ST7L: variants seen among roughly 807,000 people sequenced by gnomAD.
The protein encoded by ST7L is suppression of tumorigenicity 7 like, also known as suppressor of tumorigenicity 7 protein-like.
ST7L carries 57 observed loss-of-function variants against 72.5 expected under a neutral mutation model. The observed-to-expected ratio is 0.79, with a 90% CI of 0.64 to 0.98. The LOEUF is 0.98. ST7L is among the 50% of genes least tolerant of loss of function. The pLI, the probability that ST7L is intolerant of heterozygous loss-of-function variation, is 0.00. For missense variants in ST7L, 576 were observed against 672.2 expected, an observed-to-expected ratio of 0.86 and a Z score of 1.58; for synonymous variants, 221 against 240.9, an observed-to-expected ratio of 0.92 and a Z score of 0.77.
downstream of ST7L, among the ~76,000 whole-genome samples, chr1:112,519,872 C>CTTTTTTTTT (rs71081244): frequency 3.5e-5 from 4 of 115,652 alleles, no homozygotes; most frequent in Non-Finnish European, 5.3e-5. Flanking sequence ...GCCCATGCTT[C>CTTTTTTTTT]TTTTTTTTTT....
chr1:112,531,210 G>T (rs1654332850), intron 14 of ST7L, among the ~76,000 whole-genome samples: 1 of 152,118 alleles, frequency 6.6e-6, no homozygotes, highest in African/African-American at 2.4e-5. Context: ...TCATTATTAG[G>T]AATGAGAGGA....
At chr1:112,617,876 A>T (rs768384032) in intron 1 of ST7L, 60 of 605,234 alleles carry the variant, frequency 9.9e-5, no homozygotes, top group Non-Finnish European at 1.5e-4. Context: ...AACCACCGTT[A>T]AGCACTTCAT....
At chr1:112,540,531 T>C in intron 14 of ST7L, 1 of 985,448 alleles carries the variant, frequency 1.0e-6, no homozygotes, top group Non-Finnish European at 1.2e-6. Context: ...GGAAAGTCAT[T>C]CTTCTTGAAG....
Position 112,525,797 on chromosome 1 carries a change from G to A in ST7L, c.*216C>T, listed in dbSNP as rs534800096. On this transcript the variant is annotated 3_prime_UTR_variant, in exon 15 of 15. Coordinates refer to ENST00000358039, the MANE Select transcript of ST7L (RefSeq NM_017744.5). ...AGGCTAAGCTGAATGAAGAAAAAAGGAAGACAATTTCATCTACAGTTGTCC... is the reference window on the plus strand; with the variant it reads ...AGGCTAAGCTGAATGAAGAAAAAAGAAAGACAATTTCATCTACAGTTGTCC... 9 of 548,260 alleles carry A rather than the reference G, an allele frequency of 1.6e-5. No homozygotes were observed. Among genetic ancestry groups the A allele is most frequent in the Middle Eastern group, 9.7e-4 (2 of 2,052 alleles). 34.0% of individuals were successfully genotyped at this position (548,260 alleles called of 1,614,324 possible).
At chr1:112,541,889 T>C in intron 14 of ST7L, 62 bp downstream of exon 14, 3 of 1,594,110 alleles carry the variant, frequency 1.9e-6, no homozygotes, top group East Asian at 2.3e-5. Context: ...CACAGGCAGA[T>C]CAGAGATGGT....
At chr1:112,539,701 A>C in intron 14 of ST7L, 1 of 983,988 alleles carries the variant, frequency 1.0e-6, no homozygotes, top group South Asian at 4.7e-5. Context: ...GAAAGCTGGA[A>C]ACTGCCCATA....
intron 12 of ST7L, 46 bp downstream of exon 12, chr1:112,555,822 T>C (rs1659017031): frequency 1.4e-6 from 2 of 1,405,732 alleles, no homozygotes; most frequent in Non-Finnish European, 1.9e-6. Flanking sequence ...GTGAATTCAA[T>C]GAATAGTTAG....
In ST7L at chr1:112,582,082, T is replaced by G. The variant is rs142609202; in HGVS notation, c.979A>C (p.Thr327Pro). Residue 327 changes from threonine (T) to proline (P), a missense_variant, in exon 9 of 15, where the codon ACC becomes CCC. By Grantham distance (38) the Thr-to-Pro change is conservative. This residue lies in a region of ST7L where 511 missense variants were observed against 600.7 expected (regional missense o/e 0.85). Transcript: ENST00000358039. ...AGATTTTCATGGATGTTCAACATGGTAAGAGGAGGAAATTCTTTCATCAAC... is the reference window on the plus strand; with the variant it reads ...AGATTTTCATGGATGTTCAACATGGGAAGAGGAGGAAATTCTTTCATCAAC... ...RDLMKEFPPL[T>P]MLNIHENLLE... 167 of 1,611,702 alleles carry G rather than the reference T, an allele frequency of 1.0e-4. No individual in the cohort carries two copies. Among genetic ancestry groups the G allele is most frequent in the Non-Finnish European group, 1.3e-4 (158 of 1,178,416 alleles).
chr1:112,540,688 C>A, intron 14 of ST7L: 6 of 1,192,178 alleles, frequency 5.0e-6, no homozygotes, highest in South Asian at 1.6e-5. Context: ...CTTTAAGGCA[C>A]AAAATAAACT....
chr1:112,535,135 G>A (rs1179418019), intron 14 of ST7L, among the ~76,000 whole-genome samples: 1 of 152,140 alleles, frequency 6.6e-6, no homozygotes, highest in Non-Finnish European at 1.5e-5. Context: ...CACTTTGGGA[G>A]GCCCAGGTGG....
At chr1:112,611,969 CAAAA>C (rs146893029) in intron 2 of ST7L, among the ~76,000 whole-genome samples, 4 of 71,554 alleles carry the variant, frequency 5.6e-5, no homozygotes, top group East Asian at 4.1e-4. Flanking sequence ...GACCCTGTCT[CAAAA>C]AAAAAAAAAA....
intron 3 of ST7L, among the ~76,000 whole-genome samples, chr1:112,609,261 G>GCTTTCTAGC (rs1668705433): frequency 6.6e-6 from 1 of 152,168 alleles, no homozygotes; most frequent in Non-Finnish European, 1.5e-5. Flanking sequence ...GCCAGGCTCA[G>GCTTTCTAGC]TGGCTCACGC....
chr1:112,585,524 C>A (rs1425891504), intron 6 of ST7L, among the ~76,000 whole-genome samples: 3 of 151,986 alleles, frequency 2.0e-5, no homozygotes, highest in Non-Finnish European at 4.4e-5. Flanking sequence ...GGGCGGATCA[C>A]GAGGTCAGGA....
chr1:112,609,076 C>T (rs1668676637), intron 3 of ST7L, among the ~76,000 whole-genome samples: 1 of 152,056 alleles, frequency 6.6e-6, no homozygotes, highest in African/African-American at 2.4e-5. Context: ...CCTGTAATTC[C>T]AACATTTTGG....
Position 112,577,041 on chromosome 1 carries a change from A to C in ST7L, c.1190T>G (p.Ile397Ser). The C allele has an allele frequency of 6.2e-7, 1 of 1,611,152 alleles. No homozygotes were observed. Among genetic ancestry groups the C allele is most frequent in the South Asian group, 1.1e-5 (1 of 90,596 alleles). ...ASRRGLSTAE[I>S]NAVEAIHRAV... ...TCTATGAATTGCTTCCACGGCATTA[A>C]TTTCTGCTGTGCTTAATCCTCTTCT... The change falls in exon 11 of 15, where the codon ATT becomes AGT. Residue 397 changes from isoleucine (I) to serine (S), a missense_variant. Ile to Ser is a moderately radical substitution (Grantham distance 142). Transcript: ENST00000358039.
At chr1:112,568,130 G>A (rs1304546014) in intron 11 of ST7L, among the ~76,000 whole-genome samples, 1 of 152,066 alleles carries the variant, frequency 6.6e-6, no homozygotes, top group Non-Finnish European at 1.5e-5. Context: ...TTTGAGGCTT[G>A]TGCACGCATG....
At chr1:112,558,669 A>G (rs1302252739) in intron 11 of ST7L, among the ~76,000 whole-genome samples, 1 of 152,182 alleles carries the variant, frequency 6.6e-6, no homozygotes, top group East Asian at 1.9e-4. Context: ...TTTCCCATTC[A>G]GTTTCTTAAA....
chr1:112,590,439 C>A (rs1665521142), intron 6 of ST7L, among the ~76,000 whole-genome samples: 1 of 152,100 alleles, frequency 6.6e-6, no homozygotes, highest in Non-Finnish European at 1.5e-5. Flanking sequence ...TAAAGTTGAT[C>A]CTGCCAGTTT....
chr1:112,602,038 C>T (rs971383597), intron 3 of ST7L, among the ~76,000 whole-genome samples: 5 of 147,066 alleles, frequency 3.4e-5, no homozygotes, highest in African/African-American at 7.6e-5. Context: ...GGATGGAGAT[C>T]GCACCATTGC....
Sources: allele counts gnomAD v4.1 joint callset (sites outside exome capture counted in the v4.1 genomes callset), GRCh38; gene constraint gnomAD v4.1.1; regional missense constraint gnomAD v4.1.1; transcripts MANE v1.5; gene names NCBI Gene and HGNC (gene_info 2026-07-23, HGNC 2026-07-21).